PRKN: variants seen among roughly 807,000 people sequenced by gnomAD.
PRKN encodes E3 ubiquitin-protein ligase parkin.
A neutral mutation model predicts 59.5 loss-of-function variants in PRKN; 56 were observed. The observed-to-expected ratio is 0.94, with a 90% CI of 0.76 to 1.18. The LOEUF (loss-of-function observed/expected upper bound fraction) is 1.18. Ranked by LOEUF, PRKN falls within the 50% of genes most tolerant of loss-of-function variation. The pLI, the probability that PRKN is intolerant of heterozygous loss-of-function variation, is 0.00. For missense variants in PRKN, 657 were observed against 596.4 expected, an observed-to-expected ratio of 1.10 and a Z score of -1.06; for synonymous variants, 250 against 222.1, an observed-to-expected ratio of 1.13 and a Z score of -1.12.
At chr6:162,593,347 T>C (rs1428775420) in intron 1 of PRKN, among the ~76,000 whole-genome samples, 2 of 152,212 alleles carry the variant, frequency 1.3e-5, no homozygotes, top group South Asian at 2.1e-4. Flanking sequence ...GGCACGTCTA[T>C]TTTGTGCTTT....
chr6:162,360,094 G>GGTGGGT (rs1562700394), intron 2 of PRKN, among the ~76,000 whole-genome samples: 1 of 151,536 alleles, frequency 6.6e-6, no homozygotes, highest in Admixed American at 6.6e-5. Context: ...TGTGTGTGTG[G>GGTGGGT]GTGGGTGTGG....
rs184986767 is a variant in PRKN, at chr6:162,065,329, G to A, written c.535-11155C>T. Reference sequence around the variant, plus strand: ...TGGAGTCTGATGTCCAAGGGCAGGAGGAATGAAAACATCCAGCATGAAAGA... The same window carrying A: ...TGGAGTCTGATGTCCAAGGGCAGGAAGAATGAAAACATCCAGCATGAAAGA... On this transcript the variant is annotated intron_variant, in intron 4 of 11. Transcript: ENST00000366898. Among the ~76,000 whole-genome samples the A allele has an allele frequency of 1.5e-4, 23 of 152,226 alleles. 1 individual carries two copies. Among genetic ancestry groups the A allele is most frequent in the South Asian group, 1.0e-3 (5 of 4,826 alleles).
intron 4 of PRKN, among the ~76,000 whole-genome samples, chr6:162,103,231 TTTAAA>T (rs1421723783): frequency 2.0e-4 from 30 of 152,172 alleles, no homozygotes; most frequent in Non-Finnish European, 2.9e-5. Context: ...TTCAGTTTTG[TTTAAA>T]TTAATTTCTA....
intron 6 of PRKN, among the ~76,000 whole-genome samples, chr6:161,798,162 C>T (rs139287239): frequency 3.2e-3 from 495 of 152,310 alleles, no homozygotes; most frequent in African/African-American, 0.011. Flanking sequence ...GATCGCACCA[C>T]TGCACTCCAG....
chr6:162,612,130 T>C (rs1167115941), intron 1 of PRKN, among the ~76,000 whole-genome samples: 6 of 144,272 alleles, frequency 4.2e-5, no homozygotes, highest in East Asian at 2.1e-4. Flanking sequence ...GAGGCGGAGC[T>C]TGCAGTGAGC....
intron 4 of PRKN, among the ~76,000 whole-genome samples, chr6:162,198,954 T>C (rs10455789): frequency 0.28 from 42,799 of 152,094 alleles, 6,924 homozygotes; most frequent in Non-Finnish European, 0.36. Flanking sequence ...ACAAAGCATA[T>C]TATTAAATGA....
chr6:162,613,616 C>T lies in PRKN; in HGVS notation c.7+114046G>A, dbSNP rs190845522. 3.6e-3 allele frequency among the ~76,000 whole-genome samples: 552 copies of T among 152,242 alleles called. 2 individuals carry two copies. The highest frequency in any genetic ancestry group is 6.0e-3 in the Non-Finnish European group (409 of 68,022). ...ACTCATTTTGCAGCAAATGCTTCTACCTCTTCACCAACAATTACAATCCTT... is the reference window on the plus strand; with the variant it reads ...ACTCATTTTGCAGCAAATGCTTCTATCTCTTCACCAACAATTACAATCCTT... On this transcript the variant is annotated intron_variant, in intron 1 of 11. Transcript: ENST00000366898.
intron 7 of PRKN, among the ~76,000 whole-genome samples, chr6:161,586,609 A>T (rs556650054): frequency 1.3e-5 from 2 of 152,346 alleles, no homozygotes; most frequent in East Asian, 3.9e-4. Context: ...CACTGAAAAA[A>T]AAATTCTCTT....
chr6:161,604,780 C>A (rs1782219683), intron 7 of PRKN, among the ~76,000 whole-genome samples: 1 of 152,170 alleles, frequency 6.6e-6, no homozygotes, highest in Middle Eastern at 3.4e-3. Context: ...ACCAAAAATA[C>A]AAAAAAGAGC....
At chr6:162,105,966 C>A (rs562503537) in intron 4 of PRKN, among the ~76,000 whole-genome samples, 1 of 152,068 alleles carries the variant, frequency 6.6e-6, no homozygotes, top group Non-Finnish European at 1.5e-5. Flanking sequence ...CATACTTGCC[C>A]GGCCACATAA....
At chr6:162,312,096 G>A (rs866988600) in intron 2 of PRKN, among the ~76,000 whole-genome samples, 1 of 152,046 alleles carries the variant, frequency 6.6e-6, no homozygotes, top group African/African-American at 2.4e-5. Flanking sequence ...GAACTCATTG[G>A]CAGATAAAGA....
intron 2 of PRKN, among the ~76,000 whole-genome samples, chr6:162,414,746 A>C (rs1051938168): frequency 6.7e-6 from 1 of 149,214 alleles, no homozygotes; most frequent in Non-Finnish European, 1.5e-5. Flanking sequence ...TTGAAGTTTT[A>C]AAATAATGCT....
intron 2 of PRKN, among the ~76,000 whole-genome samples, chr6:162,356,798 G>T (rs1784885591): frequency 1.4e-5 from 2 of 145,066 alleles, no homozygotes; most frequent in Admixed American, 1.4e-4. Flanking sequence ...ACAAATCAAT[G>T]GAGATCCCAG....
At chr6:161,891,845 T>C (rs951479288) in intron 6 of PRKN, among the ~76,000 whole-genome samples, 4 of 152,202 alleles carry the variant, frequency 2.6e-5, no homozygotes, top group African/African-American at 7.2e-5. Flanking sequence ...AAAGCAAATA[T>C]GTAGGTTAAG....
At chr6:161,433,838 G>A (rs1326246950) in intron 9 of PRKN, among the ~76,000 whole-genome samples, 1 of 152,046 alleles carries the variant, frequency 6.6e-6, no homozygotes, top group African/African-American at 2.4e-5. Context: ...CCAACATGAT[G>A]AAACCCCATC....
At chr6:162,406,000 G>C (rs1235905284) in intron 2 of PRKN, among the ~76,000 whole-genome samples, 22 of 152,156 alleles carry the variant, frequency 1.4e-4, no homozygotes, top group Admixed American at 1.4e-3. Flanking sequence ...GGACCCTCCT[G>C]CTGGGCTGAA....
At position 161,593,753 on chromosome 6, in the gene PRKN, T is replaced by A. The variant is rs1262034518; in HGVS notation, c.872-24337A>T. Among the ~76,000 whole-genome samples, 1 of 152,108 alleles carries A rather than the reference T, an allele frequency of 6.6e-6. No homozygotes were observed. The highest frequency in any genetic ancestry group is 1.5e-5 in the Non-Finnish European group (1 of 68,020). ...TCGGATGCCACATTGGCAAAGCTTA[T>A]AAATTATCCAGTTGTAGCCAAGAGA... On this transcript the variant is annotated intron_variant, in intron 7 of 11. Coordinates refer to ENST00000366898, the MANE Select transcript of PRKN (RefSeq NM_004562.3). The surrounding 1 kb of genome is among the most constrained non-coding windows in gnomAD (Gnocchi z 4.8).
At chr6:162,645,164 C>A (rs546920882) in intron 1 of PRKN, among the ~76,000 whole-genome samples, 1 of 152,028 alleles carries the variant, frequency 6.6e-6, no homozygotes, top group East Asian at 1.9e-4. Flanking sequence ...GACTACTATT[C>A]TATTGAATAC....
At chr6:161,946,433 C>CTG (rs1779784361) in intron 6 of PRKN, among the ~76,000 whole-genome samples, 1 of 149,736 alleles carries the variant, frequency 6.7e-6, no homozygotes, top group African/African-American at 2.5e-5. Flanking sequence ...CTCTCTCTCT[C>CTG]TCTCTCTCTC....
Sources: gnomAD v4.1 joint callset for allele counts (sites outside exome capture counted in the v4.1 genomes callset) on GRCh38, gnomAD v4.1.1 for gene constraint, Gnocchi (gnomAD v3.1) non-coding constraint, MANE v1.5 for transcripts, NCBI Gene and HGNC (gene_info 2026-07-23, HGNC 2026-07-21) for gene names.